The following VGLL4 variants were observed in gnomAD, a reference collection of about 807,000 sequenced individuals.
The protein encoded by VGLL4 is transcription cofactor vestigial-like protein 4.
Under a neutral mutation model 21.0 loss-of-function variants are expected in VGLL4, and 7 were observed. The observed-to-expected ratio is 0.33, with a 90% confidence interval of 0.19 to 0.63. The LOEUF is 0.63. Among genes scored for constraint, VGLL4 ranks in the 20% least tolerant of loss-of-function variants. The probability of loss-of-function intolerance (pLI) is 0.78; values close to 1 mark genes in which losing one functional copy is unlikely to be tolerated. For synonymous variants in VGLL4, 222 were observed against 173.2 expected (o/e 1.28, Z -2.21); for missense variants, 394 against 425.7 (o/e 0.93, Z 0.66).
chr3:11,592,321 C>T (rs773419414), intron 2 of VGLL4, among the ~76,000 whole-genome samples: 1 of 152,200 alleles, frequency 6.6e-6, no homozygotes, highest in African/African-American at 2.4e-5. Context: ...GCTTCCCAAG[C>T]GTAAAGAAAA....
At chr3:11,714,851 T>C (rs1339054659) in intron 1 of VGLL4, among the ~76,000 whole-genome samples, 1 of 152,150 alleles carries the variant, frequency 6.6e-6, no homozygotes, top group Non-Finnish European at 1.5e-5. Context: ...AAAGATGAAT[T>C]TGGGCTGGGC....
chr3:11,625,020 A>T (rs943742658), intron 1 of VGLL4, among the ~76,000 whole-genome samples: 2 of 152,170 alleles, frequency 1.3e-5, no homozygotes, highest in Admixed American at 6.5e-5. Context: ...CTTCTCAAAC[A>T]TCTCATTTCA....
chr3:11,710,844 A>G (rs886676103), intron 1 of VGLL4, among the ~76,000 whole-genome samples: 39 of 152,196 alleles, frequency 2.6e-4, no homozygotes, highest in Admixed American at 7.2e-4. Context: ...TCATGCATAT[A>G]ATTCCAGCAC....
At chr3:11,560,725 G>T (rs1177523747) in intron 3 of VGLL4, among the ~76,000 whole-genome samples, 3 of 152,182 alleles carry the variant, frequency 2.0e-5, no homozygotes, top group East Asian at 1.9e-4. Flanking sequence ...GACCAACCAA[G>T]AATTCAGGGT....
chr3:11,636,277 T>C (rs1301466243), intron 1 of VGLL4, among the ~76,000 whole-genome samples: 2 of 152,194 alleles, frequency 1.3e-5, no homozygotes, highest in Non-Finnish European at 2.9e-5. Flanking sequence ...GCAGAGTACA[T>C]CTGCATCAAA....
intron 1 of VGLL4, among the ~76,000 whole-genome samples, chr3:11,617,503 G>A (rs2075184821): frequency 1.3e-5 from 2 of 152,308 alleles, no homozygotes. Context: ...CAGGGAACAG[G>A]GCAGGGACGC....
chr3:11,660,191 C>G (rs1338642709), intron 2 of VGLL4, among the ~76,000 whole-genome samples: 1 of 152,090 alleles, frequency 6.6e-6, no homozygotes, highest in Non-Finnish European at 1.5e-5. Context: ...CCCATCCTGC[C>G]AGCCAGCAGT....
At chr3:11,660,967 A>G (rs2076028751) in intron 2 of VGLL4, among the ~76,000 whole-genome samples, 1 of 152,210 alleles carries the variant, frequency 6.6e-6, no homozygotes, top group South Asian at 2.1e-4. Flanking sequence ...AAAGCAGCCC[A>G]TGATGCATTT....
chr3:11,617,091 A>T (rs936588149), intron 1 of VGLL4, among the ~76,000 whole-genome samples: 13 of 152,232 alleles, frequency 8.5e-5, no homozygotes, highest in Non-Finnish European at 1.6e-4. Flanking sequence ...TTATTTTTTT[A>T]AAAAAAGAGA....
chr3:11,706,272 A>T (rs1436955611), intron 1 of VGLL4, among the ~76,000 whole-genome samples: 1 of 152,210 alleles, frequency 6.6e-6, no homozygotes, highest in African/African-American at 2.4e-5. Flanking sequence ...ATGGGTATTA[A>T]AGGTTCATCC....
At chr3:11,581,330 G>A (rs2074218813) in intron 2 of VGLL4, among the ~76,000 whole-genome samples, 1 of 152,166 alleles carries the variant, frequency 6.6e-6, no homozygotes, top group Admixed American at 6.5e-5. Context: ...GCCTCCTGAA[G>A]TTCTGAGATT....
chr3:11,626,153 C>T (rs779980578), intron 1 of VGLL4, among the ~76,000 whole-genome samples: 3 of 152,180 alleles, frequency 2.0e-5, no homozygotes, highest in Non-Finnish European at 2.9e-5. Flanking sequence ...AATATGGTGG[C>T]TTTTCACCTT....
intron 1 of VGLL4, among the ~76,000 whole-genome samples, chr3:11,640,530 T>A (rs2075669790): frequency 6.6e-6 from 1 of 152,186 alleles, no homozygotes; most frequent in Admixed American, 6.5e-5. Flanking sequence ...TCATCATTAG[T>A]GAAGGGAATT....
chr3:11,684,813 CGTTT>C (rs1322939983), intron 2 of VGLL4, among the ~76,000 whole-genome samples: 3 of 149,898 alleles, frequency 2.0e-5, no homozygotes, highest in African/African-American at 7.4e-5. Context: ...TTTTCTTTTC[CGTTT>C]GTTTGCTTTT....
At chr3:11,676,814 G>A (rs534095860) in intron 2 of VGLL4, among the ~76,000 whole-genome samples, 1 of 152,192 alleles carries the variant, frequency 6.6e-6, no homozygotes, top group East Asian at 1.9e-4. Flanking sequence ...AATAAAAAGG[G>A]TAACGGATTA....
rs762891548 is a variant in VGLL4, at chr3:11,559,470, G to A, written c.496-15C>T. ...GAGGGCCGGTTCTGCGGGGAGGAGG[G>A]GTGTCAGTATGTGGAGACCAGCTTC... On this transcript the variant is annotated splice_polypyrimidine_tract_variant and intron_variant, in intron 3 of 4. Transcript: ENST00000430365. 31 of 1,547,030 alleles carry A rather than the reference G, an allele frequency of 2.0e-5. No homozygotes were observed. In the Admixed American group the frequency reaches 3.0e-4, roughly 15 times the overall value.
chr3:11,701,832 T>G (rs1377850367), intron 2 of VGLL4, among the ~76,000 whole-genome samples: 2 of 152,342 alleles, frequency 1.3e-5, no homozygotes, highest in East Asian at 3.9e-4. Flanking sequence ...TTATTAATAT[T>G]TTAGTGCTTA....
intron 2 of VGLL4, among the ~76,000 whole-genome samples, chr3:11,686,113 C>A (rs550458033): frequency 6.6e-6 from 1 of 152,286 alleles, no homozygotes; most frequent in African/African-American, 2.4e-5. Context: ...CTATGGAAAA[C>A]AGTAGGGCAG....
At chr3:11,710,964 G>A (rs2076833745) in intron 1 of VGLL4, among the ~76,000 whole-genome samples, 2 of 152,202 alleles carry the variant, frequency 1.3e-5, no homozygotes, top group Admixed American at 6.5e-5. Context: ...GCTGGGCGTG[G>A]TGGTGAGCAC....
Sources: allele counts gnomAD v4.1 joint callset (sites outside exome capture counted in the v4.1 genomes callset), GRCh38; gene constraint gnomAD v4.1.1; transcripts MANE v1.5; gene names NCBI Gene and HGNC (gene_info 2026-07-23, HGNC 2026-07-21).